CAST: variants seen among roughly 807,000 people sequenced by gnomAD.
CAST encodes calpastatin.
A neutral mutation model predicts 119.6 loss-of-function variants in CAST; 76 were observed. The observed-to-expected ratio is 0.64, with a 90% CI of 0.53 to 0.77. CAST has a LOEUF of 0.77. Among genes scored for constraint, CAST ranks in the 30% least tolerant of loss-of-function variants. The pLI, the probability that CAST is intolerant of heterozygous loss-of-function variation, is 0.00. For synonymous variants in CAST, 319 were observed against 331.6 expected, an observed-to-expected ratio of 0.96 and a Z score of 0.41; for missense variants, 953 against 946.5, an observed-to-expected ratio of 1.01 and a Z score of -0.09.
At chr5:96,089,608 C>A in the CAST span, among the ~76,000 whole-genome samples, 1 of 152,086 alleles carries the variant, frequency 6.6e-6, no homozygotes, top group African/African-American at 2.4e-5. Context: ...AGGGGAAGAC[C>A]AATACTGCCA....
the CAST span, among the ~76,000 whole-genome samples, chr5:96,171,389 T>C: frequency 6.6e-6 from 1 of 151,858 alleles, no homozygotes; most frequent in Non-Finnish European, 1.5e-5. Flanking sequence ...AGGTTGCCCA[T>C]AGTGAAGGAG....
the CAST span, among the ~76,000 whole-genome samples, chr5:96,208,965 C>G: frequency 6.6e-6 from 1 of 151,852 alleles, no homozygotes; most frequent in Non-Finnish European, 1.5e-5. Context: ...TATGTCTCTT[C>G]ACAGGTCTCT....
chr5:96,690,805 CTG>C (rs775053140), intron 2 of CAST, among the ~76,000 whole-genome samples: 4 of 152,130 alleles, frequency 2.6e-5, no homozygotes, highest in Non-Finnish European at 5.9e-5. Flanking sequence ...TTTCTTGACA[CTG>C]TTTTCAAATA....
At chr5:96,477,973 A>C in the CAST span, among the ~76,000 whole-genome samples, 1 of 152,232 alleles carries the variant, frequency 6.6e-6, no homozygotes, top group African/African-American at 2.4e-5. Context: ...CCAAATGTTC[A>C]AATATCCATT....
the CAST span, among the ~76,000 whole-genome samples, chr5:96,142,257 C>A: frequency 2.0e-5 from 3 of 152,030 alleles, no homozygotes; most frequent in African/African-American, 4.8e-5. Flanking sequence ...TAAAAAAATA[C>A]AAAAATTAGT....
chr5:96,258,726 C>T, the CAST span, among the ~76,000 whole-genome samples: 9 of 152,308 alleles, frequency 5.9e-5, no homozygotes, highest in African/African-American at 2.2e-4. Flanking sequence ...CTCCTAATAG[C>T]ATAGATATGA....
At chr5:96,496,850 G>GT in the CAST span, among the ~76,000 whole-genome samples, 1 of 151,958 alleles carries the variant, frequency 6.6e-6, no homozygotes, top group African/African-American at 2.4e-5. Flanking sequence ...TTTTTTAGGG[G>GT]TGTTAGTGCT....
chr5:96,731,312 A>G (rs1320259812), intron 9 of CAST, among the ~76,000 whole-genome samples: 1 of 152,188 alleles, frequency 6.6e-6, no homozygotes, highest in Admixed American at 6.5e-5. Context: ...AAGTCCTCTC[A>G]GGATGAAGTA....
the CAST span, among the ~76,000 whole-genome samples, chr5:96,326,449 G>A: frequency 6.6e-6 from 1 of 151,964 alleles, no homozygotes. Context: ...TCTTTTCTTG[G>A]AGTATCATTC....
the CAST span, among the ~76,000 whole-genome samples, chr5:96,326,459 C>T: frequency 1.6e-4 from 25 of 152,244 alleles, no homozygotes; most frequent in African/African-American, 5.8e-4. Context: ...GAGTATCATT[C>T]CCACATAATT....
At chr5:96,069,174 T>C in the CAST span, among the ~76,000 whole-genome samples, 1 of 151,966 alleles carries the variant, frequency 6.6e-6, no homozygotes, top group Non-Finnish European at 1.5e-5. Context: ...GGTGTATGTA[T>C]ATATGTATAC....
intron 4 of CAST, among the ~76,000 whole-genome samples, chr5:96,724,028 C>T (rs2150410547): frequency 6.6e-6 from 1 of 152,068 alleles, no homozygotes; most frequent in East Asian, 1.9e-4. Context: ...ATTTAGCATT[C>T]ATTTAAAATT....
At chr5:96,116,439 T>C in the CAST span, among the ~76,000 whole-genome samples, 1 of 152,212 alleles carries the variant, frequency 6.6e-6, no homozygotes, top group Non-Finnish European at 1.5e-5. Context: ...TGTGGAAATA[T>C]GTTTTCATTT....
chr5:95,986,404 G>A, the CAST span: 1 of 152,178 alleles, frequency 6.6e-6, no homozygotes, highest in African/African-American at 2.4e-5. Context: ...ATAAGAGAAA[G>A]AAATACTTAG....
At chr5:96,324,869 G>T in the CAST span, among the ~76,000 whole-genome samples, 1 of 151,872 alleles carries the variant, frequency 6.6e-6, no homozygotes, top group Non-Finnish European at 1.5e-5. Flanking sequence ...TATATAAGTT[G>T]GTCATTGTTC....
At chr5:96,537,558 GAA>G (rs34121866) in intron 1 of CAST, among the ~76,000 whole-genome samples, 1 of 151,364 alleles carries the variant, frequency 6.6e-6, no homozygotes, top group Non-Finnish European at 1.5e-5. Flanking sequence ...CACAGGAAGA[GAA>G]AAAAAAAACT....
chr5:96,145,679 C>T, the CAST span, among the ~76,000 whole-genome samples: 3 of 152,166 alleles, frequency 2.0e-5, no homozygotes, highest in Non-Finnish European at 4.4e-5. Flanking sequence ...TTTTCAAAAA[C>T]AATAAAAGTG....
At chr5:96,430,365 T>C in the CAST span, among the ~76,000 whole-genome samples, 1 of 152,232 alleles carries the variant, frequency 6.6e-6, no homozygotes, top group East Asian at 1.9e-4. Context: ...AGAAACGTGT[T>C]CTTTAAATTG....
intron 9 of CAST, among the ~76,000 whole-genome samples, chr5:96,731,626 A>G (rs1175979098): frequency 1.3e-5 from 2 of 150,964 alleles, no homozygotes; most frequent in East Asian, 1.9e-4. Flanking sequence ...AGCATTAGGT[A>G]TATCTCCCAA....
Sources: allele counts gnomAD v4.1 joint callset (sites outside exome capture counted in the v4.1 genomes callset), GRCh38; gene constraint gnomAD v4.1.1; transcripts MANE v1.5; gene names NCBI Gene and HGNC (gene_info 2026-07-23, HGNC 2026-07-21).